The following CTNNA2 variants were observed in gnomAD, a reference collection of about 807,000 sequenced individuals.
CTNNA2 encodes catenin alpha 2.
Under a neutral mutation model 101.0 loss-of-function variants are expected in CTNNA2, and 42 were observed. The observed-to-expected ratio is 0.42, with a 90% confidence interval of 0.32 to 0.54. CTNNA2 has a LOEUF of 0.54. CTNNA2 is among the 20% of genes least tolerant of loss of function. CTNNA2 has a pLI of 0.14. For missense variants in CTNNA2, 871 were observed against 1,223.1 expected, an observed-to-expected ratio of 0.71 and a Z score of 4.29; for synonymous variants, 450 against 456.4, an observed-to-expected ratio of 0.99 and a Z score of 0.18.
intron 6 of CTNNA2, among the ~76,000 whole-genome samples, chr2:79,877,064 T>A (rs1050973244): frequency 2.6e-5 from 4 of 151,574 alleles, no homozygotes; most frequent in African/African-American, 9.7e-5. Flanking sequence ...ATTAACTCAG[T>A]ATATTATATA....
intron 7 of CTNNA2, among the ~76,000 whole-genome samples, chr2:80,014,429 G>T: frequency 6.6e-6 from 1 of 151,084 alleles, no homozygotes; most frequent in Admixed American, 6.6e-5. Context: ...CTAATCTTTT[G>T]AGACATATAT....
At chr2:79,340,833 C>CAAAAAAAAAAAAAAAAAAAAAAAAAA in intron 3 of CTNNA2, among the ~76,000 whole-genome samples, 1 of 32,534 alleles carries the variant, frequency 3.1e-5, no homozygotes, top group East Asian at 1.1e-3. Flanking sequence ...GACTCAGTCT[C>CAAAAAAAAAAAAAAAAAAAAAAAAAA]AAAAAAAAAA....
chr2:79,721,321 G>A (rs1686474241), intron 2 of CTNNA2, among the ~76,000 whole-genome samples: 1 of 152,146 alleles, frequency 6.6e-6, no homozygotes, highest in Non-Finnish European at 1.5e-5. Context: ...TTCTTGCTGT[G>A]TCATAAAATG....
At chr2:79,788,015 A>G (rs749447503) in intron 3 of CTNNA2, among the ~76,000 whole-genome samples, 3 of 152,148 alleles carry the variant, frequency 2.0e-5, no homozygotes, top group African/African-American at 2.4e-5. Flanking sequence ...CACTTAGATG[A>G]ATGCGAAAGA....
chr2:80,060,050 T>C lies in CTNNA2; in HGVS notation c.1056+150253T>C, dbSNP rs2104373158. 1.3e-5 allele frequency among the ~76,000 whole-genome samples: 2 copies of C among 152,336 alleles called. 1 individual carries two copies. Among genetic ancestry groups the C allele is most frequent in the South Asian group, 4.1e-4 (2 of 4,824 alleles). Reference sequence around the variant, plus strand: ...GCTATTTTGTCTCTCTAGACCAGGATTTCTCGATCTCACTGAGTCCAAGAA... The same window carrying C: ...GCTATTTTGTCTCTCTAGACCAGGACTTCTCGATCTCACTGAGTCCAAGAA... On this transcript the variant is annotated intron_variant, in intron 7 of 18. Coordinates refer to ENST00000402739, the MANE Select transcript of CTNNA2 (RefSeq NM_001282597.3).
At chr2:79,817,308 C>G in intron 3 of CTNNA2, among the ~76,000 whole-genome samples, 1 of 126,110 alleles carries the variant, frequency 7.9e-6, no homozygotes, top group South Asian at 2.6e-4. Context: ...TAATGTATTT[C>G]TCTCTCACTT....
intron 7 of CTNNA2, among the ~76,000 whole-genome samples, chr2:80,035,926 C>T (rs1447931057): frequency 6.6e-6 from 1 of 152,160 alleles, no homozygotes; most frequent in Non-Finnish European, 1.5e-5. Context: ...ATTCAATTTC[C>T]TCCTATGACA....
At chr2:79,280,607 G>A (rs542571195) in intron 2 of CTNNA2, among the ~76,000 whole-genome samples, 1 of 143,130 alleles carries the variant, frequency 7.0e-6, no homozygotes, top group Non-Finnish European at 1.5e-5. Context: ...TAGTTGCCCA[G>A]CATTCATCCT....
chr2:79,855,339 G>C (rs887263339), intron 3 of CTNNA2, among the ~76,000 whole-genome samples: 1 of 152,044 alleles, frequency 6.6e-6, no homozygotes, highest in Non-Finnish European at 1.5e-5. Context: ...GCACTGACAC[G>C]TGTCACCCAT....
chr2:79,834,509 G>A (rs1679166306), intron 3 of CTNNA2, among the ~76,000 whole-genome samples: 1 of 151,908 alleles, frequency 6.6e-6, no homozygotes, highest in Non-Finnish European at 1.5e-5. Flanking sequence ...TCTTCAGTTG[G>A]TATGCTTTTC....
At chr2:79,621,265 T>C (rs1471570557) in intron 1 of CTNNA2, among the ~76,000 whole-genome samples, 1 of 152,178 alleles carries the variant, frequency 6.6e-6, no homozygotes, top group Non-Finnish European at 1.5e-5. Context: ...AATGAGCACC[T>C]CTAGCATCCA....
intron 7 of CTNNA2, among the ~76,000 whole-genome samples, chr2:80,150,178 T>A (rs935364962): frequency 3.3e-5 from 5 of 152,186 alleles, no homozygotes; most frequent in Non-Finnish European, 5.9e-5. Flanking sequence ...GGTGCTTTCA[T>A]TTGGATTTTA....
At chr2:79,684,378 A>G (rs1683787721) in intron 2 of CTNNA2, among the ~76,000 whole-genome samples, 1 of 152,174 alleles carries the variant, frequency 6.6e-6, no homozygotes, top group Non-Finnish European at 1.5e-5. Context: ...TCCTTATGCA[A>G]CCCACTAATA....
intron 7 of CTNNA2, among the ~76,000 whole-genome samples, chr2:80,076,061 C>G (rs1698726493): frequency 6.6e-6 from 1 of 151,870 alleles, no homozygotes; most frequent in Non-Finnish European, 1.5e-5. Flanking sequence ...CTTACTGTAT[C>G]TGGCTCCCTG....
intron 14 of CTNNA2, 92 bp from the exon 15 acceptor site, chr2:80,589,212 G>C: frequency 7.6e-7 from 1 of 1,308,594 alleles, no homozygotes; most frequent in Non-Finnish European, 1.1e-6. Context: ...CCTTTGCAGG[G>C]TCTGGCTCTG....
chr2:79,741,647 T>C (rs1202048672), intron 2 of CTNNA2, among the ~76,000 whole-genome samples: 1 of 152,212 alleles, frequency 6.6e-6, no homozygotes, highest in Non-Finnish European at 1.5e-5. Context: ...TAAAACCACA[T>C]TTCTCCTTTG....
intron 7 of CTNNA2, among the ~76,000 whole-genome samples, chr2:80,048,593 A>G (rs1275999129): frequency 6.6e-6 from 1 of 152,220 alleles, no homozygotes; most frequent in Non-Finnish European, 1.5e-5. Flanking sequence ...ATATGATGCC[A>G]TACACTGGAG....
intron 7 of CTNNA2, among the ~76,000 whole-genome samples, chr2:80,229,414 G>A (rs1709067632): frequency 6.6e-6 from 1 of 151,728 alleles, no homozygotes; most frequent in African/African-American, 2.4e-5. Context: ...ATAATTGTTA[G>A]AATGGCTCAC....
intron 2 of CTNNA2, among the ~76,000 whole-genome samples, chr2:79,215,997 G>T (rs1476700035): frequency 6.6e-6 from 1 of 151,926 alleles, no homozygotes; most frequent in Non-Finnish European, 1.5e-5. Flanking sequence ...AGGAAGATTT[G>T]GGACGAGTTG....
Sources: gnomAD v4.1 joint callset for allele counts (sites outside exome capture counted in the v4.1 genomes callset) on GRCh38, gnomAD v4.1.1 for gene constraint, MANE v1.5 for transcripts, NCBI Gene and HGNC (gene_info 2026-07-23, HGNC 2026-07-21) for gene names.